The following EIF4G3 variants were observed in gnomAD, a reference collection of about 807,000 sequenced individuals.
EIF4G3 encodes the protein eIF-4-gamma 3.
Under a neutral mutation model 186.4 loss-of-function variants are expected in EIF4G3, and 34 were observed. The observed-to-expected ratio is 0.18, with a 90% CI of 0.14 to 0.24. The LOEUF is 0.24. Among genes scored for constraint, EIF4G3 ranks in the 10% least tolerant of loss-of-function variants. EIF4G3 has a pLI of 1.00. For missense variants in EIF4G3, 1,536 were observed against 1,948.5 expected (o/e 0.79, Z 3.99); for synonymous variants, 673 against 679.5 (o/e 0.99, Z 0.15).
chr1:21,164,669 G>A (rs2097825534), intron 2 of EIF4G3, among the ~76,000 whole-genome samples: 2 of 152,130 alleles, frequency 1.3e-5, no homozygotes. Flanking sequence ...AGACCAGCCT[G>A]GGCAACATGG....
rs1447222982 is a variant in EIF4G3 at position 21,023,714 on chromosome 1, C to T, written c.-66-20906G>A. Among the ~76,000 whole-genome samples, 30 of 151,012 alleles carry T rather than the reference C, an allele frequency of 2.0e-4. 1 individual carries two copies. Among genetic ancestry groups the T allele is most frequent in the South Asian group, 6.3e-4 (3 of 4,746 alleles). On this transcript the variant is annotated intron_variant, in intron 4 of 36. Transcript: ENST00000602326. ...GAAGTGAGGAGTGTCTCTGCCTGGC[C>T]GCCCATCGTCTGGGATGTGAGGAGC... is the stretch of plus-strand genomic sequence containing the variant.
chr1:20,892,618 C>A (rs1427584913), intron 18 of EIF4G3: 1 of 1,528,236 alleles, frequency 6.5e-7, no homozygotes, highest in African/African-American at 1.4e-5. Flanking sequence ...GTTCAGCGCA[C>A]CCCTAGAGGC....
At chr1:21,169,267 A>G (rs1178365920) in intron 2 of EIF4G3, among the ~76,000 whole-genome samples, 1 of 152,116 alleles carries the variant, frequency 6.6e-6, no homozygotes, top group African/African-American at 2.4e-5. Context: ...CCTGGCCAAC[A>G]TGGTGAAACC....
At chr1:20,905,297 C>A (rs1323915660) in intron 14 of EIF4G3, among the ~76,000 whole-genome samples, 1 of 152,202 alleles carries the variant, frequency 6.6e-6, no homozygotes, top group Non-Finnish European at 1.5e-5. Context: ...CCTGGGTCTA[C>A]TTCTATTCAT....
intron 4 of EIF4G3, among the ~76,000 whole-genome samples, chr1:21,020,668 T>C (rs2154570803): frequency 6.6e-6 from 1 of 152,330 alleles, no homozygotes; most frequent in South Asian, 2.1e-4. Flanking sequence ...AATTTTCCAT[T>C]CTAGGTTAAT....
chr1:21,121,092 A>G (rs1298877991), intron 2 of EIF4G3, among the ~76,000 whole-genome samples: 1 of 152,030 alleles, frequency 6.6e-6, no homozygotes, highest in Non-Finnish European at 1.5e-5. Flanking sequence ...CTAATTTTTA[A>G]TATTTTATAC....
chr1:20,906,473 G>C (rs556322460), intron 14 of EIF4G3, among the ~76,000 whole-genome samples: 2 of 152,192 alleles, frequency 1.3e-5, no homozygotes, highest in South Asian at 4.1e-4. Context: ...CTCATTCATG[G>C]AAAAGAGGAA....
intron 3 of EIF4G3, among the ~76,000 whole-genome samples, chr1:21,055,148 T>C (rs747850579): frequency 6.6e-6 from 1 of 152,168 alleles, no homozygotes; most frequent in Non-Finnish European, 1.5e-5. Flanking sequence ...AATGAAGAGC[T>C]CTTATAAGAA....
chr1:21,151,164 G>A (rs757757766), intron 2 of EIF4G3, among the ~76,000 whole-genome samples: 12 of 150,384 alleles, frequency 8.0e-5, no homozygotes, highest in South Asian at 2.1e-4. Flanking sequence ...TGACTTCCAC[G>A]GAGAAAATGT....
chr1:20,853,528 C>T, intron 27 of EIF4G3, 32 bp downstream of exon 27: 1 of 1,479,944 alleles, frequency 6.8e-7, no homozygotes. Flanking sequence ...AGCGGGCCAG[C>T]CTTGAGTAGA....
intron 11 of EIF4G3, among the ~76,000 whole-genome samples, chr1:20,970,584 G>A (rs1558494738): frequency 6.6e-6 from 1 of 152,038 alleles, no homozygotes; most frequent in African/African-American, 2.4e-5. Flanking sequence ...CTGCACTCCA[G>A]CCTGGGCGAC....
chr1:20,838,253 T>A (rs1217648529), intron 30 of EIF4G3, among the ~76,000 whole-genome samples: 2 of 152,200 alleles, frequency 1.3e-5, no homozygotes, highest in African/African-American at 2.4e-5. Context: ...AAAGGTAGAC[T>A]ATGCTTCTGG....
intron 2 of EIF4G3, among the ~76,000 whole-genome samples, chr1:21,131,377 G>C (rs1553274188): frequency 7.0e-6 from 1 of 143,836 alleles, no homozygotes; most frequent in African/African-American, 2.5e-5. Flanking sequence ...TATAATATAT[G>C]TATAACTGGA....
rs906020497 is a variant in EIF4G3 at position 20,829,081 on chromosome 1, G to A, written c.4187+66C>T. The A allele has an allele frequency of 5.8e-6, 9 of 1,550,188 alleles. No homozygotes were observed. The African/African-American group carries it at 1.2e-4, about 21-fold the overall frequency. On this transcript the variant is annotated intron_variant, in intron 31 of 36. Transcript: ENST00000602326. ...GATAATGGGACAGTACTATGATAGA[G>A]AGCTAGCAAGTGAGTTATTAGTCAG...
intron 4 of EIF4G3, among the ~76,000 whole-genome samples, chr1:21,009,933 G>T (rs10465539): frequency 6.6e-6 from 1 of 152,000 alleles, no homozygotes; most frequent in South Asian, 2.1e-4. Context: ...GATTACAGAC[G>T]TGAGCCACCC....
At chr1:21,133,875 T>C (rs983560839) in intron 2 of EIF4G3, among the ~76,000 whole-genome samples, 3 of 152,190 alleles carry the variant, frequency 2.0e-5, no homozygotes, top group African/African-American at 7.2e-5. Flanking sequence ...GTCATTCTCA[T>C]TTATAGATAA....
chr1:20,845,520 G>T (rs1323492514), intron 29 of EIF4G3, among the ~76,000 whole-genome samples: 1 of 152,006 alleles, frequency 6.6e-6, no homozygotes, highest in Non-Finnish European at 1.5e-5. Context: ...AAATTAGCCG[G>T]GCATGGTGGC....
At chr1:21,051,129 C>A in intron 3 of EIF4G3, 135 bp from the exon 4 acceptor site, 1 of 573,456 alleles carries the variant, frequency 1.7e-6, no homozygotes, top group Non-Finnish European at 3.1e-6. Context: ...ACTGAACAAA[C>A]ACTTAAAATT....
chr1:20,922,208 T>G (rs1020148135), intron 14 of EIF4G3, among the ~76,000 whole-genome samples: 2 of 152,222 alleles, frequency 1.3e-5, no homozygotes, highest in African/African-American at 4.8e-5. Context: ...AACTCTAATT[T>G]TTGGTATCTC....
Sources: gnomAD v4.1 joint callset for allele counts (sites outside exome capture counted in the v4.1 genomes callset) on GRCh38, gnomAD v4.1.1 for gene constraint, MANE v1.5 for transcripts, NCBI Gene and HGNC (gene_info 2026-07-23, HGNC 2026-07-21) for gene names.